Variants in COX7B2 observed in about 807,000 individuals in gnomAD.
COX7B2 encodes the protein cytochrome c oxidase subunit 7B2, mitochondrial.
For missense variants in COX7B2, 109 were observed against 95.9 expected, an observed-to-expected ratio of 1.14 and a Z score of -0.57; for synonymous variants, 37 against 32.1, an observed-to-expected ratio of 1.15 and a Z score of -0.51.
chr4:46,802,847 C>T (rs1387663028), intron 2 of COX7B2, among the ~76,000 whole-genome samples: 1 of 152,110 alleles, frequency 6.6e-6, no homozygotes, highest in African/African-American at 2.4e-5. Flanking sequence ...TTTAGGGATT[C>T]ATGAGGTGAA....
chr4:46,820,486 G>C (rs1714195860), intron 2 of COX7B2, among the ~76,000 whole-genome samples: 1 of 152,106 alleles, frequency 6.6e-6, no homozygotes, highest in Non-Finnish European at 1.5e-5. Context: ...ATGGCCTGCG[G>C]GTTGGGGATC....
In COX7B2 at chr4:46,754,718, GTGTGTGTGTGTATATATA is replaced by G. The variant is rs1287712889; in HGVS notation, c.-49-19495_-49-19478del. On this transcript the variant is annotated intron_variant, in intron 2 of 2. Coordinates refer to ENST00000355591, the MANE Select transcript of COX7B2 (RefSeq NM_130902.3). Reference sequence around the variant, plus strand: ...AATACGTGTGTGTGTGTGTGTGTGTGTGTGTGTGTGTATATATATATATATATATATGAAAGAAATCCA... The same window carrying G: ...AATACGTGTGTGTGTGTGTGTGTGTGTATATATATATATGAAAGAAATCCA... Among the ~76,000 whole-genome samples, 27 of 35,092 alleles carry G rather than the reference GTGTGTGTGTGTATATATA, an allele frequency of 7.7e-4. 2 individuals are homozygous for G. The highest frequency in any genetic ancestry group is 3.4e-3 in the Admixed American group (8 of 2,322). 23.0% of individuals were successfully genotyped at this position (35,092 alleles called of 152,430 possible).
intron 2 of COX7B2, among the ~76,000 whole-genome samples, chr4:46,749,899 G>T (rs1451273748): frequency 6.6e-6 from 1 of 152,064 alleles, no homozygotes; most frequent in East Asian, 1.9e-4. Flanking sequence ...TCTGCACAGA[G>T]AATTCTATTA....
intron 1 of COX7B2, among the ~76,000 whole-genome samples, chr4:46,854,590 C>G (rs576409651): frequency 6.6e-5 from 10 of 152,252 alleles, no homozygotes; most frequent in Non-Finnish European, 8.8e-5. Flanking sequence ...CAGCACAGTG[C>G]CTTAACACAC....
chr4:46,806,834 T>C (rs760422500), intron 2 of COX7B2, among the ~76,000 whole-genome samples: 9 of 152,056 alleles, frequency 5.9e-5, no homozygotes, highest in African/African-American at 1.2e-4. Flanking sequence ...ATCCATGTTA[T>C]AACAAAGGGC....
chr4:46,749,404 C>T (rs1234930404), intron 2 of COX7B2, among the ~76,000 whole-genome samples: 3 of 152,082 alleles, frequency 2.0e-5, no homozygotes, highest in Non-Finnish European at 4.4e-5. Context: ...CTGCCATTCC[C>T]CATCCTCCAT....
At chr4:46,838,048 T>C (rs1715655389) in intron 2 of COX7B2, among the ~76,000 whole-genome samples, 1 of 152,076 alleles carries the variant, frequency 6.6e-6, no homozygotes. Context: ...CTCTAGAGTT[T>C]CATTACTGTG....
At chr4:46,766,764 G>A (rs994283066) in intron 2 of COX7B2, among the ~76,000 whole-genome samples, 1 of 149,550 alleles carries the variant, frequency 6.7e-6, no homozygotes, top group African/African-American at 2.4e-5. Flanking sequence ...GCATATGGTT[G>A]AAATTAAATG....
chr4:46,755,092 T>A (rs1577666268), intron 2 of COX7B2, among the ~76,000 whole-genome samples: 1 of 151,364 alleles, frequency 6.6e-6, no homozygotes, highest in African/African-American at 2.4e-5. Context: ...ATACACAATA[T>A]TAAGGTGAGC....
Position 46,767,423 on chromosome 4 carries a change from C to T in COX7B2, c.-49-32182G>A, listed in dbSNP as rs534259680. On this transcript the variant is annotated intron_variant, in intron 2 of 2. Coordinates refer to ENST00000355591, the MANE Select transcript of COX7B2 (RefSeq NM_130902.3). ...ACAATAACAGTAAGGAACTTTAGTA[C>T]CCCACTTTCAACAATGGATCATCCA... 3.3e-5 allele frequency among the ~76,000 whole-genome samples: 5 copies of T among 152,228 alleles called. No homozygotes were observed. The South Asian group carries it at 1.0e-3, about 32-fold the overall frequency.
intron 2 of COX7B2, among the ~76,000 whole-genome samples, chr4:46,766,426 A>G (rs1716540905): frequency 6.6e-6 from 1 of 151,978 alleles, no homozygotes; most frequent in African/African-American, 2.4e-5. Flanking sequence ...GCAGCCGGGC[A>G]TGGTGGCTCA....
chr4:46,797,073 C>G (rs1718394128), intron 2 of COX7B2, among the ~76,000 whole-genome samples: 2 of 89,016 alleles, frequency 2.2e-5, no homozygotes, highest in East Asian at 6.4e-4. Flanking sequence ...GCACATGTAC[C>G]CTAAAACTTA....
intron 2 of COX7B2, among the ~76,000 whole-genome samples, chr4:46,820,154 C>T (rs575794784): frequency 4.6e-5 from 7 of 152,252 alleles, no homozygotes; most frequent in Admixed American, 2.0e-4. Flanking sequence ...ATACAACTTA[C>T]CATAATATGG....
At chr4:46,880,294 G>C (rs1718624669) in intron 1 of COX7B2, among the ~76,000 whole-genome samples, 1 of 152,004 alleles carries the variant, frequency 6.6e-6, no homozygotes, top group African/African-American at 2.4e-5. Flanking sequence ...CTCATAGAAA[G>C]AGCTGAGGAA....
intron 2 of COX7B2, among the ~76,000 whole-genome samples, chr4:46,769,833 A>G (rs756381831): frequency 5.3e-5 from 8 of 152,224 alleles, no homozygotes; most frequent in Non-Finnish European, 1.0e-4. Context: ...AGGTATAGAA[A>G]GAATGTTCCT....
At chr4:46,752,630 G>A (rs377415792) in intron 2 of COX7B2, among the ~76,000 whole-genome samples, 1 of 152,014 alleles carries the variant, frequency 6.6e-6, no homozygotes, top group Admixed American at 6.6e-5. Context: ...TAGCATAAAG[G>A]GCTGTTGAAT....
intron 2 of COX7B2, among the ~76,000 whole-genome samples, chr4:46,776,489 G>T (rs1717163433): frequency 6.6e-6 from 1 of 151,812 alleles, no homozygotes; most frequent in Non-Finnish European, 1.5e-5. Flanking sequence ...AAGAGTGTCA[G>T]ACTGGGAAGC....
chr4:46,793,263 G>A (rs1319470440), intron 2 of COX7B2, among the ~76,000 whole-genome samples: 1 of 151,888 alleles, frequency 6.6e-6, no homozygotes, highest in Admixed American at 6.6e-5. Flanking sequence ...AGCCAGAGGG[G>A]GGTTATCTCC....
chr4:46,810,358 C>G (rs913956294), intron 2 of COX7B2, among the ~76,000 whole-genome samples: 2 of 151,958 alleles, frequency 1.3e-5, no homozygotes, highest in African/African-American at 4.8e-5. Context: ...CTTTATTTCT[C>G]TCTTGTCATC....
Sources: gnomAD v4.1 joint callset for allele counts (sites outside exome capture counted in the v4.1 genomes callset) on GRCh38, gnomAD v4.1.1 for gene constraint, MANE v1.5 for transcripts, NCBI Gene and HGNC (gene_info 2026-07-23, HGNC 2026-07-21) for gene names.